Variants in KIF26B observed in about 807,000 individuals in gnomAD.
The protein encoded by KIF26B is kinesin-like protein KIF26B.
KIF26B carries 63 observed loss-of-function variants against 151.2 expected under a neutral mutation model. The observed-to-expected ratio is 0.42, with a 90% CI of 0.34 to 0.51. KIF26B has a LOEUF of 0.51. Ranked by LOEUF, KIF26B falls within the 20% of genes least tolerant of loss-of-function variation. The probability of loss-of-function intolerance (pLI) is 0.07; values close to 1 mark genes in which losing one functional copy is unlikely to be tolerated. For missense variants in KIF26B, 2,813 were observed against 2,913.6 expected (o/e 0.97, Z 0.79); for synonymous variants, 1,357 against 1,262.1 (o/e 1.08, Z -1.59).
intron 5 of KIF26B, among the ~76,000 whole-genome samples, chr1:245,548,528 A>G (rs757513397): frequency 3.3e-5 from 5 of 152,142 alleles, no homozygotes; most frequent in Non-Finnish European, 7.3e-5. Context: ...CAGTGTCCAC[A>G]TTCCTCACTG....
At chr1:245,694,479 G>C (rs569599180) in intron 12 of KIF26B, among the ~76,000 whole-genome samples, 2 of 152,336 alleles carry the variant, frequency 1.3e-5, no homozygotes, top group South Asian at 2.1e-4. Flanking sequence ...GGGGAGCTGA[G>C]AGGGCTCAGC....
intron 2 of KIF26B, among the ~76,000 whole-genome samples, chr1:245,308,815 G>A (rs939311624): frequency 1.3e-5 from 2 of 152,254 alleles, no homozygotes; most frequent in South Asian, 2.1e-4. Context: ...GGGAAGATGA[G>A]GATCAGAGGG....
chr1:245,295,160 G>A (rs528687336), intron 2 of KIF26B, among the ~76,000 whole-genome samples: 1 of 152,240 alleles, frequency 6.6e-6, no homozygotes, highest in East Asian at 1.9e-4. Flanking sequence ...TATTTGGGAT[G>A]GAGAGAAAAT....
At chr1:245,203,647 A>T (rs1379613692) in intron 2 of KIF26B, among the ~76,000 whole-genome samples, 1 of 152,192 alleles carries the variant, frequency 6.6e-6, no homozygotes, top group Non-Finnish European at 1.5e-5. Context: ...TCCTTGTTGA[A>T]TCAGGAAGTG....
At chr1:245,521,872 T>G (rs1661118360) in intron 4 of KIF26B, among the ~76,000 whole-genome samples, 1 of 151,900 alleles carries the variant, frequency 6.6e-6, no homozygotes, top group Non-Finnish European at 1.5e-5. Flanking sequence ...CATTTTTCTT[T>G]TTTTTTGTTT....
At chr1:245,696,903 C>A (rs2008766) in intron 12 of KIF26B, among the ~76,000 whole-genome samples, 95,223 of 151,506 alleles carry the variant, frequency 0.63, 31,434 homozygotes, top group Middle Eastern at 0.77. Flanking sequence ...TGAGATCAGG[C>A]GTTCGAGACC....
chr1:245,595,071 C>T (rs1243332713), intron 5 of KIF26B, among the ~76,000 whole-genome samples: 5 of 152,134 alleles, frequency 3.3e-5, no homozygotes, highest in Non-Finnish European at 7.4e-5. Context: ...TGGGCTGAGA[C>T]GACGGGGTTT....
At chr1:245,309,462 G>T (rs1671622820) in intron 2 of KIF26B, among the ~76,000 whole-genome samples, 1 of 151,620 alleles carries the variant, frequency 6.6e-6, no homozygotes, top group African/African-American at 2.4e-5. Context: ...TTCTTCCTGG[G>T]TCTCAAGGCT....
rs922579712 is a variant in KIF26B, at chr1:245,703,763, TAGA to T, written c.*1163_*1165del. 2.0e-5 allele frequency: 3 copies of T among 152,208 alleles called. No homozygotes were observed. The highest frequency in any genetic ancestry group is 2.1e-4 in the South Asian group (1 of 4,830). 9.4% of individuals were successfully genotyped at this position (152,208 alleles called of 1,614,324 possible). Reference sequence around the variant, plus strand: ...TTCAGAGACTTCAACTGTATTGGATTAGAAGAAGGATTCTTGAGACTGTACATC... The same window carrying T: ...TTCAGAGACTTCAACTGTATTGGATTAGAAGGATTCTTGAGACTGTACATC... On this transcript the variant is annotated 3_prime_UTR_variant, in exon 15 of 15. Coordinates refer to ENST00000407071, the MANE Select transcript of KIF26B (RefSeq NM_018012.4).
chr1:245,681,536 T>C (rs2044439647), intron 10 of KIF26B, among the ~76,000 whole-genome samples: 1 of 152,124 alleles, frequency 6.6e-6, no homozygotes, highest in African/African-American at 2.4e-5. Flanking sequence ...CTTGGGGACT[T>C]ACACAGGGTC....
intron 2 of KIF26B, among the ~76,000 whole-genome samples, chr1:245,339,043 T>G (rs899579140): frequency 4.0e-5 from 6 of 151,802 alleles, no homozygotes; most frequent in Admixed American, 6.6e-5. Flanking sequence ...AGTAGTGCTA[T>G]CTCGGCTCAC....
chr1:245,304,759 C>T (rs766295886), intron 2 of KIF26B, among the ~76,000 whole-genome samples: 1 of 151,472 alleles, frequency 6.6e-6, no homozygotes, highest in African/African-American at 2.4e-5. Context: ...CTCAGCCTCC[C>T]GGATGTTTGA....
chr1:245,481,573 A>G (rs1260687065), intron 4 of KIF26B, among the ~76,000 whole-genome samples: 1 of 151,904 alleles, frequency 6.6e-6, no homozygotes, highest in African/African-American at 2.4e-5. Flanking sequence ...TCCTGTTCCC[A>G]CATCTTTGAT....
chr1:245,471,772 C>G (rs566957716), intron 4 of KIF26B, among the ~76,000 whole-genome samples: 1 of 150,048 alleles, frequency 6.7e-6, no homozygotes, highest in Admixed American at 6.7e-5. Flanking sequence ...TAAAGACAAG[C>G]CCCCTGCTCT....
At chr1:245,310,590 C>T (rs527865798) in intron 2 of KIF26B, among the ~76,000 whole-genome samples, 2 of 152,298 alleles carry the variant, frequency 1.3e-5, no homozygotes, top group African/African-American at 2.4e-5. Context: ...TTACTCTCAG[C>T]GGTGAAAATG....
chr1:245,538,248 G>A (rs1303823550), intron 4 of KIF26B, among the ~76,000 whole-genome samples: 1 of 152,176 alleles, frequency 6.6e-6, no homozygotes, highest in Non-Finnish European at 1.5e-5. Flanking sequence ...AATGGAAGGA[G>A]AGGGCCTGCA....
In KIF26B at chr1:245,170,186, A is replaced by G. The variant is rs577361112; in HGVS notation, c.465+13503A>G. Among the ~76,000 whole-genome samples the G allele has an allele frequency of 6.6e-6, 1 of 152,308 alleles. No individual in the cohort carries two copies. The highest frequency in any genetic ancestry group is 1.9e-4 in the East Asian group (1 of 5,186). On this transcript the variant is annotated intron_variant, in intron 2 of 14. Coordinates refer to ENST00000407071, the MANE Select transcript of KIF26B (RefSeq NM_018012.4). This position sits in a 1 kb window ranked among gnomAD's most constrained non-coding sequence, Gnocchi z 4.4. ...GAGTCCTGGAAAGTGCCGTGATGCC[A>G]TCCCACTGACATGGCCTCCTGTATT... is the stretch of plus-strand genomic sequence containing the variant.
At position 245,661,712 on chromosome 1, in the gene KIF26B, CACA is replaced by C. The variant is rs1271172313; in HGVS notation, c.2258+15433_2258+15435del. ...ACCCAATGTTATACATATATACACACACACCACCAATATATATACACCCAGTGT... is the reference window on the plus strand; with the variant it reads ...ACCCAATGTTATACATATATACACACCCACCAATATATATACACCCAGTGT... On this transcript the variant is annotated intron_variant, in intron 10 of 14. Coordinates refer to ENST00000407071, the MANE Select transcript of KIF26B (RefSeq NM_018012.4). Among the ~76,000 whole-genome samples, 5 of 74,380 alleles carry C rather than the reference CACA, an allele frequency of 6.7e-5. No individual in the cohort carries two copies. The East Asian group carries it at 3.2e-3, about 47-fold the overall frequency. The allele number at this position is 74,380 out of a possible 152,430, so 48.8% of individuals were successfully genotyped here.
At chr1:245,324,311 A>G (rs1671944438) in intron 2 of KIF26B, among the ~76,000 whole-genome samples, 1 of 152,240 alleles carries the variant, frequency 6.6e-6, no homozygotes, top group Non-Finnish European at 1.5e-5. Flanking sequence ...AGTTGCTGGA[A>G]AAAATATCAG....
Sources: gnomAD v4.1 joint callset for allele counts (sites outside exome capture counted in the v4.1 genomes callset) on GRCh38, gnomAD v4.1.1 for gene constraint, Gnocchi (gnomAD v3.1) non-coding constraint, MANE v1.5 for transcripts, NCBI Gene and HGNC (gene_info 2026-07-23, HGNC 2026-07-21) for gene names.